UNC5C: variants seen among roughly 807,000 people sequenced by gnomAD.
The protein encoded by UNC5C is unc-5 netrin receptor C, also known as netrin receptor UNC5C.
In UNC5C, 47 loss-of-function variants were observed where a neutral mutation model predicts 99.8. The observed-to-expected ratio is 0.47, with a 90% CI of 0.37 to 0.60. UNC5C has a LOEUF of 0.60. Among genes scored for constraint, UNC5C ranks in the 20% least tolerant of loss-of-function variants. UNC5C has a pLI of 0.00. For synonymous variants in UNC5C, 487 were observed against 452.2 expected, an observed-to-expected ratio of 1.08 and a Z score of -0.98; for missense variants, 1,062 against 1,165.9, an observed-to-expected ratio of 0.91 and a Z score of 1.30.
At chr4:95,260,248 C>G (rs551129900) in intron 4 of UNC5C, among the ~76,000 whole-genome samples, 1 of 152,160 alleles carries the variant, frequency 6.6e-6, no homozygotes, top group African/African-American at 2.4e-5. Context: ...AACAAAAAAA[C>G]CCCAAAGTAG....
chr4:95,294,832 C>T (rs1398434810), intron 3 of UNC5C, among the ~76,000 whole-genome samples: 2 of 152,186 alleles, frequency 1.3e-5, no homozygotes, highest in African/African-American at 2.4e-5. Flanking sequence ...AGCATTTGCA[C>T]TGTGTCTGGC....
chr4:95,183,558 A>C (rs1416572874), intron 13 of UNC5C, among the ~76,000 whole-genome samples: 2 of 152,228 alleles, frequency 1.3e-5, no homozygotes, highest in East Asian at 3.9e-4. Flanking sequence ...AGGACAGGGG[A>C]AGCCAAAACC....
intron 14 of UNC5C, among the ~76,000 whole-genome samples, chr4:95,181,398 C>T (rs1434584853): frequency 6.6e-6 from 1 of 152,232 alleles, no homozygotes; most frequent in African/African-American, 2.4e-5. Flanking sequence ...TCATTTGTGG[C>T]TGCATCTGAT....
At chr4:95,210,650 A>C (rs1269309241) in intron 10 of UNC5C, among the ~76,000 whole-genome samples, 1 of 152,236 alleles carries the variant, frequency 6.6e-6, no homozygotes, top group Non-Finnish European at 1.5e-5. Context: ...AGCATCAATT[A>C]AGTAGAAATT....
At position 95,448,227 on chromosome 4, in the gene UNC5C, TGAGAGAGAGAGA is replaced by T. The variant is rs1208781802; in HGVS notation, c.124+100495_124+100506del. Among the ~76,000 whole-genome samples the T allele has an allele frequency of 2.8e-4, 28 of 100,144 alleles. No homozygotes were observed. In the East Asian group the frequency reaches 4.2e-3, roughly 15 times the overall value. The allele number at this position is 100,144 out of a possible 152,430, so 65.7% of individuals were successfully genotyped here. ...GTGTGTGTGTGTGTGTGTGTGTGTG[TGAGAGAGAGAGA>T]GAGAGAGAGAGAGAGAGAGAGAGAA... is the stretch of plus-strand genomic sequence containing the variant. On this transcript the variant is annotated intron_variant, in intron 1 of 15. Transcript: ENST00000453304.
At chr4:95,259,199 A>C (rs1740127972) in intron 4 of UNC5C, among the ~76,000 whole-genome samples, 1 of 152,098 alleles carries the variant, frequency 6.6e-6, no homozygotes, top group Admixed American at 6.5e-5. Flanking sequence ...TATCTTCTGT[A>C]TGCCTTAGAG....
rs1735838637 is a variant in UNC5C at position 95,165,846 on chromosome 4, G to A, written c.*3388C>T. On this transcript the variant is annotated 3_prime_UTR_variant, in exon 16 of 16. Coordinates refer to ENST00000453304, the MANE Select transcript of UNC5C (RefSeq NM_003728.4). ...TAAAAATGACAACTCTTCAAAGACT[G>A]TTTTATATAGATTTTACATAGTTCT... The A allele has an allele frequency of 6.6e-6, 1 of 152,108 alleles. No individual in the cohort carries two copies. Among genetic ancestry groups the A allele is most frequent in the African/African-American group, 2.4e-5 (1 of 41,410 alleles). 9.4% of individuals were successfully genotyped at this position (152,108 alleles called of 1,614,324 possible). A position where few individuals can be genotyped will look rare whatever the true frequency, so the allele number is the denominator to read the frequency against.
Position 95,245,138 on chromosome 4 carries a change from C to T in UNC5C, c.782G>A (p.Gly261Asp). The T allele has an allele frequency of 6.2e-7, 1 of 1,610,278 alleles. No homozygotes were observed. The highest frequency in any genetic ancestry group is 8.5e-7 in the Non-Finnish European group (1 of 1,179,012). The stretch of plus-strand genomic sequence containing the variant: ...CCACTCCGTCCAGGTGGACCAGCCA[C>T]CGTTGACTGAAAGGAGGCAAACAGT... ...TTATVIVYVN[G>D]GWSTWTEWSV... is the part of the protein sequence containing the mutation. Residue 261 changes from glycine to aspartate, a missense_variant, in exon 6 of 16, where the codon GGT becomes GAT. By Grantham distance (94) the Gly-to-Asp change is moderately conservative. Coordinates refer to ENST00000453304, the MANE Select transcript of UNC5C (RefSeq NM_003728.4).
At chr4:95,182,502 A>T (rs1187351269) in intron 14 of UNC5C, among the ~76,000 whole-genome samples, 1 of 152,082 alleles carries the variant, frequency 6.6e-6, no homozygotes, top group Non-Finnish European at 1.5e-5. Flanking sequence ...GTTGCTGAGA[A>T]AGAAGCAGAA....
At chr4:95,174,608 T>G (rs1471835602) in intron 14 of UNC5C, among the ~76,000 whole-genome samples, 2 of 152,006 alleles carry the variant, frequency 1.3e-5, no homozygotes, top group African/African-American at 2.4e-5. Context: ...GTCTGAGAGA[T>G]AGTTTGTTAT....
At chr4:95,329,610 T>C (rs989947973) in intron 2 of UNC5C, among the ~76,000 whole-genome samples, 1 of 152,226 alleles carries the variant, frequency 6.6e-6, no homozygotes, top group African/African-American at 2.4e-5. Context: ...TTGCTGTTCC[T>C]GTATCTTGTT....
chr4:95,450,910 T>A (rs1747262322), intron 1 of UNC5C, among the ~76,000 whole-genome samples: 1 of 152,158 alleles, frequency 6.6e-6, no homozygotes, highest in Non-Finnish European at 1.5e-5. Flanking sequence ...TTTTCCCTCA[T>A]AAGCATGCCC....
intron 1 of UNC5C, among the ~76,000 whole-genome samples, chr4:95,506,630 T>C (rs886132951): frequency 6.6e-6 from 1 of 151,914 alleles, no homozygotes; most frequent in Admixed American, 6.6e-5. Context: ...CCTAGCAAAA[T>C]GGCTATGTAG....
At chr4:95,419,570 A>G (rs918252228) in intron 1 of UNC5C, among the ~76,000 whole-genome samples, 4 of 152,192 alleles carry the variant, frequency 2.6e-5, no homozygotes, top group African/African-American at 9.6e-5. Context: ...GGCTGCCAGC[A>G]AAGGATTTCT....
intron 1 of UNC5C, among the ~76,000 whole-genome samples, chr4:95,499,547 A>G (rs1721716426): frequency 1.3e-5 from 2 of 152,092 alleles, no homozygotes; most frequent in South Asian, 4.1e-4. Context: ...GCAATCAATC[A>G]TGAAGAAAAG....
At chr4:95,423,044 C>G (rs1746365338) in intron 1 of UNC5C, among the ~76,000 whole-genome samples, 1 of 152,190 alleles carries the variant, frequency 6.6e-6, no homozygotes, top group Non-Finnish European at 1.5e-5. Context: ...GTGATGGTCT[C>G]TGCTCAACAA....
chr4:95,316,161 C>T (rs1742469088), intron 2 of UNC5C, among the ~76,000 whole-genome samples: 1 of 152,030 alleles, frequency 6.6e-6, no homozygotes, highest in African/African-American at 2.4e-5. Context: ...ATAGCATGAC[C>T]TACTATATAT....
intron 1 of UNC5C, among the ~76,000 whole-genome samples, chr4:95,486,516 A>G (rs779666571): frequency 2.0e-5 from 3 of 151,670 alleles, no homozygotes; most frequent in Non-Finnish European, 4.4e-5. Flanking sequence ...TATGGTGTCC[A>G]TATTTATACT....
intron 1 of UNC5C, among the ~76,000 whole-genome samples, chr4:95,438,212 G>A (rs777448931): frequency 1.3e-5 from 2 of 152,008 alleles, no homozygotes; most frequent in Non-Finnish European, 2.9e-5. Flanking sequence ...TCAGAAAGAT[G>A]GTGAGGACCC....
Sources: gnomAD v4.1 joint callset for allele counts (sites outside exome capture counted in the v4.1 genomes callset) on GRCh38, gnomAD v4.1.1 for gene constraint, MANE v1.5 for transcripts, NCBI Gene and HGNC (gene_info 2026-07-23, HGNC 2026-07-21) for gene names.